C3orf49: variants seen among roughly 807,000 people sequenced by gnomAD.
The protein encoded by C3orf49 is putative uncharacterized protein C3orf49.
In C3orf49, 27 loss-of-function variants were observed where a neutral mutation model predicts 13.3. The ratio of observed to expected loss-of-function variants is 2.02; its 90% CI spans 1.49 to 2.79. The LOEUF (loss-of-function observed/expected upper bound fraction) is 2.79, where lower values mean the gene tolerates loss of function less well. C3orf49 is among the 30% of genes most tolerant of loss of function. C3orf49 has a pLI of 0.00. For missense variants in C3orf49, 242 were observed against 134.2 expected, an observed-to-expected ratio of 1.80 and a Z score of -3.97; for synonymous variants, 87 against 47.6, an observed-to-expected ratio of 1.83 and a Z score of -3.40.
At chr3:63,814,906 C>G (rs1313115836), upstream of C3orf49, among the ~76,000 whole-genome samples, 1 of 152,178 alleles carries the variant, frequency 6.6e-6, no homozygotes, top group Non-Finnish European at 1.5e-5. Context: ...ACTCATGGTT[C>G]TGCAGGCTGT....
At chr3:63,838,331 T>C (rs1448115606) in intron 5 of C3orf49, 1 of 1,341,862 alleles carries the variant, frequency 7.5e-7, no homozygotes, top group Non-Finnish European at 1.0e-6. Context: ...CTTTAGACCA[T>C]AAAAAATAAA....
chr3:63,827,519 T>C (rs1001427110), intron 2 of C3orf49, 82 bp from the exon 3 acceptor site: 6 of 619,950 alleles, frequency 9.7e-6, no homozygotes, highest in Admixed American at 8.2e-5. Context: ...GATGCTGTCT[T>C]CTAAGAATAC....
At chr3:63,785,065 CTTTTT>C in the C3orf49 span, among the ~76,000 whole-genome samples, 25 of 64,970 alleles carry the variant, frequency 3.8e-4, no homozygotes, top group African/African-American at 1.5e-3. Flanking sequence ...TCTTCTTCTT[CTTTTT>C]TTTTTTTTTT....
the C3orf49 span, among the ~76,000 whole-genome samples, chr3:63,790,526 C>T: frequency 2.4e-3 from 355 of 150,786 alleles, 7 homozygotes; most frequent in East Asian, 0.044. Context: ...AACCTGGGAA[C>T]GAATATTTAT....
At chr3:63,814,612 G>T (rs1162690633), upstream of C3orf49, among the ~76,000 whole-genome samples, 1 of 152,056 alleles carries the variant, frequency 6.6e-6, no homozygotes, top group African/African-American at 2.4e-5. Context: ...GCTTTTCAGA[G>T]GGACATTTAC....
chr3:63,842,113 T>G (rs1181178649), intron 5 of C3orf49, among the ~76,000 whole-genome samples: 1 of 152,092 alleles, frequency 6.6e-6, no homozygotes, highest in Non-Finnish European at 1.5e-5. Flanking sequence ...GGTTTGAATG[T>G]CCCCTCCAAA....
chr3:63,831,196 T>G lies in C3orf49; in HGVS notation c.657T>G (p.Asp219Glu). 5.7e-6 allele frequency: 4 copies of G among 702,860 alleles called. No homozygotes were observed. The highest frequency in any genetic ancestry group is 2.6e-6 in the Non-Finnish European group (1 of 384,974). The allele number at this position is 702,860 out of a possible 1,614,324, so 43.5% of individuals were successfully genotyped here. A position where few individuals can be genotyped will look rare whatever the true frequency, so the allele number is the denominator to read the frequency against. The change falls in exon 4 of 7, where the codon GAT becomes GAG. Residue 219 changes from aspartate (D) to glutamate (E), a missense_variant. Physicochemically the swap from Asp to Glu is conservative, Grantham distance 45. Transcript: ENST00000295896. Reference sequence around the variant, plus strand: ...TGGAAAACATCCTTCGAAAATCAGATTTGACAGTAGGAAAGCTTCAAATGC... The same window carrying G: ...TGGAAAACATCCTTCGAAAATCAGAGTTGACAGTAGGAAAGCTTCAAATGC... ...RGMENILRKSDLTVGKLQMQV... is the reference protein window; with the variant it reads ...RGMENILRKSELTVGKLQMQV...
At chr3:63,821,431 G>A (rs1014299100) in intron 1 of C3orf49, among the ~76,000 whole-genome samples, 11 of 152,012 alleles carry the variant, frequency 7.2e-5, no homozygotes, top group African/African-American at 2.7e-4. Flanking sequence ...CAACGTAATA[G>A]CATAATATAA....
chr3:63,795,825 A>G, the C3orf49 span, among the ~76,000 whole-genome samples: 1 of 152,164 alleles, frequency 6.6e-6, no homozygotes, highest in Non-Finnish European at 1.5e-5. Flanking sequence ...CTCTTTAATG[A>G]GTTGCTCAGG....
intron 4 of C3orf49, 129 bp from the exon 5 acceptor site, chr3:63,831,551 A>G: frequency 1.6e-6 from 1 of 642,102 alleles, no homozygotes; most frequent in South Asian, 1.8e-5. Flanking sequence ...TTGAATTAGA[A>G]TAATATTTTA....
the C3orf49 span, among the ~76,000 whole-genome samples, chr3:63,794,433 C>A: frequency 1.3e-5 from 2 of 152,078 alleles, no homozygotes; most frequent in African/African-American, 4.8e-5. Flanking sequence ...TATAATATTT[C>A]TCATCATTCC....
At chr3:63,781,643 T>C in the C3orf49 span, among the ~76,000 whole-genome samples, 1 of 152,168 alleles carries the variant, frequency 6.6e-6, no homozygotes, top group Non-Finnish European at 1.5e-5. Context: ...CAATATTTAA[T>C]AAACTTGTTT....
chr3:63,841,259 C>T (rs1701754069), intron 5 of C3orf49, among the ~76,000 whole-genome samples: 1 of 152,110 alleles, frequency 6.6e-6, no homozygotes, highest in African/African-American at 2.4e-5. Flanking sequence ...CAGAGACTAT[C>T]CTTGGACAGA....
the C3orf49 span, among the ~76,000 whole-genome samples, chr3:63,802,722 C>T: frequency 6.6e-6 from 1 of 152,154 alleles, no homozygotes; most frequent in Non-Finnish European, 1.5e-5. Context: ...TTAGAATCTT[C>T]TTGCTAATCC....
the C3orf49 span, among the ~76,000 whole-genome samples, chr3:63,780,289 C>T: frequency 2.6e-5 from 4 of 152,108 alleles, no homozygotes; most frequent in Admixed American, 2.6e-4. Context: ...TGGTTTCCAG[C>T]TTCATCCATG....
the C3orf49 span, among the ~76,000 whole-genome samples, chr3:63,799,994 C>T: frequency 2.0e-5 from 3 of 152,154 alleles, no homozygotes; most frequent in Admixed American, 2.0e-4. Context: ...GCTAAAGTTA[C>T]TTAAGGATTA....
chr3:63,782,968 T>G, the C3orf49 span: 1 of 152,192 alleles, frequency 6.6e-6, no homozygotes, highest in African/African-American at 2.4e-5. Flanking sequence ...ACTAATGGGA[T>G]TTTATTTTAA....
chr3:63,785,100 T>C, the C3orf49 span, among the ~76,000 whole-genome samples: 1 of 131,952 alleles, frequency 7.6e-6, no homozygotes, highest in Admixed American at 8.5e-5. Flanking sequence ...TGAGACAGTG[T>C]CTTGCTCTGT....
intron 1 of C3orf49, among the ~76,000 whole-genome samples, chr3:63,821,424 C>T (rs763406549): frequency 6.6e-5 from 10 of 152,062 alleles, no homozygotes; most frequent in South Asian, 6.2e-4. Flanking sequence ...TTTAATACAA[C>T]GTAATAGCAT....
Sources: gnomAD v4.1 joint callset for allele counts (sites outside exome capture counted in the v4.1 genomes callset) on GRCh38, gnomAD v4.1.1 for gene constraint, MANE v1.5 for transcripts, NCBI Gene and HGNC (gene_info 2026-07-23, HGNC 2026-07-21) for gene names.